Variants in PLEKHA6 observed in about 807,000 individuals in gnomAD.
The protein encoded by PLEKHA6 is pleckstrin homology domain containing A6, also known as pleckstrin homology domain-containing family A member 6.
PLEKHA6 carries 60 observed loss-of-function variants against 116.7 expected under a neutral mutation model. That is an observed-to-expected ratio of 0.51 (90% CI 0.42 to 0.64). The LOEUF (loss-of-function observed/expected upper bound fraction) is 0.64. Among genes scored for constraint, PLEKHA6 ranks in the 30% least tolerant of loss-of-function variants. PLEKHA6 has a pLI of 0.00. For synonymous variants in PLEKHA6, 489 were observed against 556.1 expected (o/e 0.88, Z 1.70); for missense variants, 1,338 against 1,422.7 (o/e 0.94, Z 0.96).
At chr1:204,313,976 A>G (rs1245201773) in intron 1 of PLEKHA6, among the ~76,000 whole-genome samples, 1 of 152,144 alleles carries the variant, frequency 6.6e-6, no homozygotes, top group Non-Finnish European at 1.5e-5. Context: ...GCACAACCCC[A>G]GGGGGTACTA....
At chr1:204,262,887 G>C (rs1666307300) in intron 6 of PLEKHA6, among the ~76,000 whole-genome samples, 1 of 152,024 alleles carries the variant, frequency 6.6e-6, no homozygotes, top group Admixed American at 6.5e-5. Context: ...AGGGGATAGA[G>C]AGACCAGGGG....
intron 1 of PLEKHA6, chr1:204,326,020 A>C: frequency 2.5e-6 from 1 of 393,534 alleles, no homozygotes; most frequent in Non-Finnish European, 3.5e-6. Flanking sequence ...CGTCTCCCTA[A>C]TGCATCCAGC....
chr1:204,255,844 G>C (rs538394987), intron 9 of PLEKHA6, among the ~76,000 whole-genome samples: 2 of 152,300 alleles, frequency 1.3e-5, no homozygotes, highest in Non-Finnish European at 1.5e-5. Context: ...GAGGGGTTGA[G>C]GATGTGGGCA....
Position 204,290,675 on chromosome 1 carries a change from A to G in PLEKHA6, c.-94-15866T>C, listed in dbSNP as rs573389707. 2.0e-5 allele frequency among the ~76,000 whole-genome samples: 3 copies of G among 152,334 alleles called. No homozygotes were observed. In the South Asian group the frequency reaches 6.2e-4, roughly 32 times the overall value. ...AATCAATAAATTGAAATTTGTCAGA[A>G]TTTAAGTTTGCTCTTCAAAAGACAC... On this transcript the variant is annotated intron_variant, in intron 1 of 22. Transcript: ENST00000272203.
chr1:204,315,316 G>A (rs1671814964), intron 1 of PLEKHA6, among the ~76,000 whole-genome samples: 1 of 152,126 alleles, frequency 6.6e-6, no homozygotes, highest in Non-Finnish European at 1.5e-5. Context: ...CCACGGTTTG[G>A]CATCCAAGGC....
chr1:204,270,928 G>T (rs2102878606), intron 3 of PLEKHA6, among the ~76,000 whole-genome samples: 1 of 152,214 alleles, frequency 6.6e-6, no homozygotes, highest in South Asian at 2.1e-4. Flanking sequence ...TCTTCCCTTG[G>T]CCACTGTCAA....
intron 1 of PLEKHA6, among the ~76,000 whole-genome samples, chr1:204,303,887 T>C: frequency 6.6e-6 from 1 of 152,140 alleles, no homozygotes; most frequent in Non-Finnish European, 1.5e-5. Context: ...TTAATTTTTG[T>C]ATTTTTTTGT....
At chr1:204,369,574 C>G (rs1673735215) in intron 2 of PLEKHA6, 1 of 152,176 alleles carries the variant, frequency 6.6e-6, no homozygotes, top group Non-Finnish European at 1.5e-5. Context: ...TTTCTAGCAA[C>G]TTCCCTCCAC....
At chr1:204,313,495 C>G in intron 1 of PLEKHA6, 1 of 894,876 alleles carries the variant, frequency 1.1e-6, no homozygotes, top group Non-Finnish European at 1.3e-6. Context: ...GAGCACAAAC[C>G]ACAGCCAGGA....
intron 2 of PLEKHA6, among the ~76,000 whole-genome samples, chr1:204,370,619 A>G (rs934601259): frequency 7.9e-5 from 12 of 151,966 alleles, no homozygotes; most frequent in Non-Finnish European, 1.8e-4. Flanking sequence ...CACCTTTCCC[A>G]CTAGCCCTGA....
chr1:204,316,061 C>A (rs569569300), intron 1 of PLEKHA6, among the ~76,000 whole-genome samples: 133 of 152,110 alleles, frequency 8.7e-4, no homozygotes, highest in Non-Finnish European at 1.7e-3. Context: ...ATTTGGGGGC[C>A]AGACTGTGGA....
rs946640175 is a variant in PLEKHA6 at position 204,268,690 on chromosome 1, C to T, written c.103-378G>A. On this transcript the variant is annotated intron_variant, in intron 3 of 22. Transcript: ENST00000272203. ...TTCCACAGTGTGTTCTGGAAGTTAA[C>T]TCCCTGCATCCTCCTGCTCTGGGAG... 2.7e-5 allele frequency among the ~76,000 whole-genome samples: 4 copies of T among 150,788 alleles called. No homozygotes were observed. The East Asian group carries it at 6.0e-4, about 23-fold the overall frequency.
At chr1:204,341,575 G>C (rs1406206596) in intron 1 of PLEKHA6, among the ~76,000 whole-genome samples, 1 of 152,188 alleles carries the variant, frequency 6.6e-6, no homozygotes, top group Non-Finnish European at 1.5e-5. Flanking sequence ...TTCTAAGGGT[G>C]CACCACAGGG....
chr1:204,361,043 C>T (rs1244570818), upstream of PLEKHA6, among the ~76,000 whole-genome samples: 2 of 152,176 alleles, frequency 1.3e-5, no homozygotes, highest in Non-Finnish European at 2.9e-5. Context: ...AACCTCCAGG[C>T]AGGCTCGCTG....
chr1:204,314,147 C>T (rs1671765690), intron 1 of PLEKHA6, among the ~76,000 whole-genome samples: 1 of 152,136 alleles, frequency 6.6e-6, no homozygotes, highest in Non-Finnish European at 1.5e-5. Context: ...ATCCTGCCAT[C>T]CTAGCATCTT....
At chr1:204,349,326 G>A (rs1673194364) in intron 1 of PLEKHA6, among the ~76,000 whole-genome samples, 1 of 152,100 alleles carries the variant, frequency 6.6e-6, no homozygotes, top group Admixed American at 6.5e-5. Context: ...ATCACTTGAG[G>A]TCAGGAGTTC....
intron 5 of PLEKHA6, among the ~76,000 whole-genome samples, chr1:204,266,994 G>C (rs1666906618): frequency 2.0e-5 from 3 of 152,180 alleles, no homozygotes; most frequent in African/African-American, 7.2e-5. Context: ...CCGACTAAAT[G>C]GCAGGTAGTG....
intron 1 of PLEKHA6, among the ~76,000 whole-genome samples, chr1:204,317,530 A>T (rs1671905126): frequency 6.6e-6 from 1 of 150,826 alleles, no homozygotes; most frequent in Non-Finnish European, 1.5e-5. Flanking sequence ...CCCCACCAAC[A>T]CTCCCGGCTA....
chr1:204,319,959 G>A (rs192709730), intron 1 of PLEKHA6, among the ~76,000 whole-genome samples: 14 of 152,218 alleles, frequency 9.2e-5, no homozygotes, highest in East Asian at 1.9e-4. Flanking sequence ...CACCCTCTGC[G>A]GGTCTAATTC....
Sources: gnomAD v4.1 joint callset for allele counts (sites outside exome capture counted in the v4.1 genomes callset) on GRCh38, gnomAD v4.1.1 for gene constraint, MANE v1.5 for transcripts, NCBI Gene and HGNC (gene_info 2026-07-23, HGNC 2026-07-21) for gene names.